The following CMYA5 variants were observed in gnomAD, a reference collection of about 807,000 sequenced individuals.
The protein encoded by CMYA5 is cardiomyopathy-associated protein 5.
A neutral mutation model predicts 318.9 loss-of-function variants in CMYA5; 246 were observed. That is an observed-to-expected ratio of 0.77 (90% CI 0.70 to 0.86). CMYA5 has a LOEUF of 0.86. CMYA5 is among the 40% of genes least tolerant of loss of function. The probability of loss-of-function intolerance (pLI) is 0.00; values close to 1 mark genes in which losing one functional copy is unlikely to be tolerated. For missense variants in CMYA5, 4,589 were observed against 4,678.2 expected (o/e 0.98, Z 0.56); for synonymous variants, 1,641 against 1,729.5 (o/e 0.95, Z 1.27).
At chr5:79,726,701 A>G (rs1827754016) in intron 1 of CMYA5, among the ~76,000 whole-genome samples, 2 of 152,094 alleles carry the variant, frequency 1.3e-5, no homozygotes, top group Admixed American at 6.5e-5. Flanking sequence ...TGTGCTGAGA[A>G]CTAAGGAGAC....
In CMYA5 at chr5:79,731,481, C is replaced by T. The variant is rs374511475; in HGVS notation, c.2716C>T (p.Pro906Ser). ...TACATCTGCTTCTGAATTTTCAGTA[C>T]CACCATATGCAACACCGGAGGCACA... Reference protein sequence around the residue: ...SSTSASEFSVPPYATPEAQEE... With the variant: ...SSTSASEFSVSPYATPEAQEE... Residue 906 changes from proline (P) to serine (S), a missense_variant, in exon 2 of 13, where the codon CCA (proline) becomes TCA (serine). Physicochemically the swap from Pro to Ser is moderately conservative, Grantham distance 74. Coordinates refer to ENST00000446378, the MANE Select transcript of CMYA5 (RefSeq NM_153610.5). The T allele has an allele frequency of 4.1e-5, 66 of 1,607,178 alleles. No homozygotes were observed. In the African/African-American group the frequency reaches 7.6e-4, roughly 19 times the overall value.
chr5:79,799,960 A>G lies in CMYA5; in HGVS notation c.*344A>G, dbSNP rs144506018. ...AAGGAAATCCTCTGATGGACAGGTCAGAGTGAAGGAAGGTTGTGCTGGTAA... is the reference window on the plus strand; with the variant it reads ...AAGGAAATCCTCTGATGGACAGGTCGGAGTGAAGGAAGGTTGTGCTGGTAA... On this transcript the variant is annotated 3_prime_UTR_variant, in exon 13 of 13. Transcript: ENST00000446378. 15 of 175,180 alleles carry G rather than the reference A, an allele frequency of 8.6e-5. No individual in the cohort carries two copies. Among genetic ancestry groups the G allele is most frequent in the South Asian group, 1.5e-4 (1 of 6,776 alleles). 10.9% of individuals were successfully genotyped at this position (175,180 alleles called of 1,614,324 possible).
At chr5:79,760,711 G>A (rs530951513) in intron 7 of CMYA5, among the ~76,000 whole-genome samples, 1 of 152,256 alleles carries the variant, frequency 6.6e-6, no homozygotes, top group African/African-American at 2.4e-5. Flanking sequence ...CCAACACTGG[G>A]AATTACAATT....
At chr5:79,692,681 A>G (rs1826990637) in intron 1 of CMYA5, among the ~76,000 whole-genome samples, 1 of 152,204 alleles carries the variant, frequency 6.6e-6, no homozygotes, top group Admixed American at 6.5e-5. Context: ...GATTGCATAA[A>G]TTATGTGAAT....
Position 79,735,574 on chromosome 5 carries a change from C to A in CMYA5, c.6809C>A (p.Ser2270Ter). The change falls in exon 2 of 13, where the codon TCA becomes TAA. Residue 2270 changes from serine (S) to a stop codon, truncating the protein, a stop_gained. Transcript: ENST00000446378. LOFTEE classifies it high-confidence loss of function. ...GTTAAAGAAAAATCCATGATTTTATCAAATGTAGAAGATTTACAACAGCCA... is the reference window on the plus strand; with the variant it reads ...GTTAAAGAAAAATCCATGATTTTATAAAATGTAGAAGATTTACAACAGCCA... ...QNVKEKSMIL[S>*]NVEDLQQPKF... is the part of the protein sequence containing the mutation. 6.2e-7 allele frequency: 1 copy of A among 1,613,140 alleles called. No individual in the cohort carries two copies. Among genetic ancestry groups the A allele is most frequent in the South Asian group, 1.1e-5 (1 of 90,910 alleles).
At chr5:79,720,582 A>G (rs575132011) in intron 1 of CMYA5, among the ~76,000 whole-genome samples, 1 of 152,040 alleles carries the variant, frequency 6.6e-6, no homozygotes, top group East Asian at 1.9e-4. Flanking sequence ...GATTACAGGC[A>G]TGCACCACCA....
At chr5:79,745,539 T>C in intron 4 of CMYA5, 84 bp downstream of exon 4, 1 of 843,134 alleles carries the variant, frequency 1.2e-6, no homozygotes, top group South Asian at 1.5e-5. Flanking sequence ...CACTATTCCT[T>C]AAGATTATTT....
At chr5:79,719,983 G>A (rs1827590045) in intron 1 of CMYA5, among the ~76,000 whole-genome samples, 1 of 152,190 alleles carries the variant, frequency 6.6e-6, no homozygotes, top group African/African-American at 2.4e-5. Flanking sequence ...TTTAGACACA[G>A]TTGAATACAG....
Position 79,730,434 on chromosome 5 carries a change from C to T in CMYA5, c.1669C>T (p.His557Tyr), listed in dbSNP as rs1827864062. ...FPPHMSPEVE[H>Y]KEEELILPLL... ...ACCACATATGTCCCCTGAAGTGGAGCACAAAGAAGAAGAGCTTATTCTACC... is the reference window on the plus strand; with the variant it reads ...ACCACATATGTCCCCTGAAGTGGAGTACAAAGAAGAAGAGCTTATTCTACC... The change falls in exon 2 of 13, where the codon CAC becomes TAC. Residue 557 changes from histidine (H) to tyrosine (Y), a missense_variant. His to Tyr is a moderately conservative substitution (Grantham distance 83). This residue lies in a region of CMYA5 where 2,132 missense variants were observed against 2,131.3 expected (regional missense o/e 1.00). Transcript: ENST00000446378. 6.2e-6 allele frequency: 10 copies of T among 1,613,730 alleles called. No homozygotes were observed. Among genetic ancestry groups the T allele is most frequent in the Non-Finnish European group, 8.5e-6 (10 of 1,179,878 alleles).
chr5:79,772,669 G>C (rs1828875806), intron 9 of CMYA5, among the ~76,000 whole-genome samples: 1 of 152,220 alleles, frequency 6.6e-6, no homozygotes, highest in Non-Finnish European at 1.5e-5. Context: ...TCAACAGACT[G>C]AAATAATTCA....
chr5:79,774,866 T>G (rs771128075), intron 9 of CMYA5, among the ~76,000 whole-genome samples: 14 of 152,230 alleles, frequency 9.2e-5, no homozygotes, highest in Non-Finnish European at 1.6e-4. Flanking sequence ...ATGAACTTAG[T>G]GCAGAGTGAG....
intron 2 of CMYA5, among the ~76,000 whole-genome samples, chr5:79,743,507 C>T (rs1349373885): frequency 6.6e-6 from 1 of 152,130 alleles, no homozygotes; most frequent in South Asian, 2.1e-4. Flanking sequence ...CTAGAGAGAA[C>T]GCATTCAAAT....
At chr5:79,765,274 G>T (rs1030055167) in intron 9 of CMYA5, among the ~76,000 whole-genome samples, 5 of 152,286 alleles carry the variant, frequency 3.3e-5, no homozygotes, top group Admixed American at 3.3e-4. Context: ...GTTCTTGTCA[G>T]GTTTGTCAAA....
Position 79,735,218 on chromosome 5 carries a change from G to A in CMYA5, c.6453G>A (p.Val2151=). ...REPQSPESPE[V]TQNPPTQPKV... ...CTCAATCCCCAGAGTCACCTGAGGT[G>A]ACACAAAATCCACCTACACAACCAA... Residue 2151 remains valine, a synonymous_variant, in exon 2 of 13, where the codon GTG becomes GTA. Coordinates refer to ENST00000446378, the MANE Select transcript of CMYA5 (RefSeq NM_153610.5). 6.2e-7 allele frequency: 1 copy of A among 1,613,824 alleles called. No individual in the cohort carries two copies. Among genetic ancestry groups the A allele is most frequent in the Non-Finnish European group, 8.5e-7 (1 of 1,179,800 alleles).
intron 1 of CMYA5, among the ~76,000 whole-genome samples, chr5:79,708,568 T>C (rs946790874): frequency 3.3e-5 from 5 of 151,246 alleles, no homozygotes; most frequent in African/African-American, 1.2e-4. Context: ...GAGCTTGCAG[T>C]GAGCTGAGAT....
At chr5:79,748,012 A>G (rs57336041) in intron 5 of CMYA5, among the ~76,000 whole-genome samples, 9,051 of 152,292 alleles carry the variant, frequency 0.059, 432 homozygotes, top group East Asian at 0.25. Context: ...TTGAAATCAC[A>G]CAGATGAATC....
At chr5:79,757,660 C>A (rs1005280485) in intron 6 of CMYA5, among the ~76,000 whole-genome samples, 1 of 152,172 alleles carries the variant, frequency 6.6e-6, no homozygotes, top group Non-Finnish European at 1.5e-5. Context: ...GTTTCATTTG[C>A]CTCTATCGTG....
intron 9 of CMYA5, among the ~76,000 whole-genome samples, chr5:79,788,428 T>C (rs902221885): frequency 8.6e-5 from 13 of 151,966 alleles, no homozygotes; most frequent in Non-Finnish European, 1.6e-4. Context: ...ATTTTTCTTT[T>C]AATTTAAATA....
chr5:79,769,647 A>G (rs1419174000), intron 9 of CMYA5, among the ~76,000 whole-genome samples: 1 of 152,100 alleles, frequency 6.6e-6, no homozygotes, highest in Non-Finnish European at 1.5e-5. Context: ...AACAGCAAAG[A>G]TTGCTGCCTG....
Sources: gnomAD v4.1 joint callset for allele counts (sites outside exome capture counted in the v4.1 genomes callset) on GRCh38, gnomAD v4.1.1 for gene constraint, gnomAD v4.1.1 regional missense constraint, MANE v1.5 for transcripts, NCBI Gene and HGNC (gene_info 2026-07-23, HGNC 2026-07-21) for gene names.